The following PKP2 variants were observed in gnomAD, a reference collection of about 807,000 sequenced individuals.
PKP2 encodes plakophilin 2.
In PKP2, 73 loss-of-function variants were observed where a neutral mutation model predicts 83.4. The ratio of observed to expected loss-of-function variants is 0.88; its 90% CI spans 0.72 to 1.06. PKP2 has a LOEUF of 1.06. Among genes scored for constraint, PKP2 ranks in the 50% least tolerant of loss-of-function variants. The pLI is 0.00. For missense variants in PKP2, 966 were observed against 1,065.4 expected, an observed-to-expected ratio of 0.91 and a Z score of 1.30; for synonymous variants, 409 against 430.4, an observed-to-expected ratio of 0.95 and a Z score of 0.62.
intron 11 of PKP2, among the ~76,000 whole-genome samples, chr12:32,793,180 G>A (rs537294068): frequency 6.6e-6 from 1 of 152,180 alleles, no homozygotes; most frequent in South Asian, 2.1e-4. Flanking sequence ...GGCGGAGGTT[G>A]CAGTGAGCCG....
At chr12:32,842,477 A>T (rs1461934563) in intron 5 of PKP2, among the ~76,000 whole-genome samples, 1 of 151,282 alleles carries the variant, frequency 6.6e-6, no homozygotes, top group Non-Finnish European at 1.5e-5. Context: ...CCTGACCTCA[A>T]ATGATCTGCT....
chr12:32,815,065 G>A (rs1375068160), intron 9 of PKP2, among the ~76,000 whole-genome samples: 6 of 151,954 alleles, frequency 3.9e-5, no homozygotes, highest in African/African-American at 1.2e-4. Flanking sequence ...TTGCTAGGGC[G>A]AACAATGCAT....
chr12:32,876,795 G>T (rs1956937020), intron 3 of PKP2, among the ~76,000 whole-genome samples: 1 of 152,206 alleles, frequency 6.6e-6, no homozygotes, highest in Non-Finnish European at 1.5e-5. Context: ...ATCCCAAAGT[G>T]CTGGGATTAC....
intron 1 of PKP2, among the ~76,000 whole-genome samples, chr12:32,889,183 A>T (rs1255822251): frequency 1.3e-5 from 2 of 152,180 alleles, no homozygotes; most frequent in African/African-American, 4.8e-5. Context: ...GGGTAGAAAT[A>T]CCAAGCAAGA....
At chr12:32,840,870 T>A (rs140143670) in intron 6 of PKP2, among the ~76,000 whole-genome samples, 158 bp downstream of exon 6, 11 of 152,174 alleles carry the variant, frequency 7.2e-5, no homozygotes, top group Non-Finnish European at 1.2e-4. Flanking sequence ...AGAGCGAGAC[T>A]CTGTTTTAAA....
intron 6 of PKP2, among the ~76,000 whole-genome samples, chr12:32,830,311 T>C (rs184741757): frequency 5.9e-5 from 9 of 152,318 alleles, no homozygotes; most frequent in East Asian, 3.9e-4. Context: ...AGTCAGCTTG[T>C]GGTTGCACAC....
At chr12:32,872,847 G>C (rs1592760962) in intron 3 of PKP2, among the ~76,000 whole-genome samples, 2 of 152,046 alleles carry the variant, frequency 1.3e-5, no homozygotes, top group Admixed American at 6.6e-5. Flanking sequence ...ACTATAAAAG[G>C]TTCAGCTGAG....
chr12:32,832,611 GTCTT>G (rs1055225172), intron 6 of PKP2, among the ~76,000 whole-genome samples: 1 of 152,144 alleles, frequency 6.6e-6, no homozygotes, highest in Non-Finnish European at 1.5e-5. Flanking sequence ...TGATTCAGTT[GTCTT>G]TCTATTTTTG....
chr12:32,805,971 A>G (rs904484654), intron 9 of PKP2, among the ~76,000 whole-genome samples: 4 of 152,194 alleles, frequency 2.6e-5, no homozygotes, highest in African/African-American at 4.8e-5. Context: ...TATTGAGATC[A>G]TGTGGTTTTT....
chr12:32,879,911 C>A (rs915584317), intron 1 of PKP2, among the ~76,000 whole-genome samples: 1 of 150,440 alleles, frequency 6.6e-6, no homozygotes, highest in African/African-American at 2.4e-5. Context: ...TCACAAAAAT[C>A]TAAAAATGTT....
At chr12:32,792,782 G>T in intron 11 of PKP2, 51 bp from the exon 12 acceptor site, 1 of 1,446,110 alleles carries the variant, frequency 6.9e-7, no homozygotes, top group Non-Finnish European at 9.7e-7. Flanking sequence ...GAGGCTTCTG[G>T]ATGCGGCCTG....
intron 1 of PKP2, among the ~76,000 whole-genome samples, chr12:32,892,826 G>GC (rs1555149560): frequency 7.8e-6 from 1 of 128,558 alleles, no homozygotes; most frequent in Non-Finnish European, 1.7e-5. Flanking sequence ...GGCGGGGGGG[G>GC]GGGGAGAACT....
At chr12:32,819,836 C>A (rs1487030520) in intron 9 of PKP2, among the ~76,000 whole-genome samples, 1 of 151,390 alleles carries the variant, frequency 6.6e-6, no homozygotes, top group African/African-American at 2.4e-5. Context: ...TTATATTGAA[C>A]TAGACTCAGA....
At chr12:32,849,014 A>AC (rs1956673042) in intron 5 of PKP2, among the ~76,000 whole-genome samples, 3 of 151,768 alleles carry the variant, frequency 2.0e-5, no homozygotes, top group Non-Finnish European at 1.5e-5. Flanking sequence ...TTAAAAAAAA[A>AC]AAAAAAAAAA....
chr12:32,868,104 A>T (rs1467076319), intron 4 of PKP2, among the ~76,000 whole-genome samples: 2 of 152,238 alleles, frequency 1.3e-5, no homozygotes, highest in Non-Finnish European at 2.9e-5. Flanking sequence ...ACAGGAAAAG[A>T]AGAGGGAAAT....
At chr12:32,823,413 C>T (rs1463022771) in intron 7 of PKP2, among the ~76,000 whole-genome samples, 1 of 115,248 alleles carries the variant, frequency 8.7e-6, no homozygotes, top group African/African-American at 3.4e-5. Flanking sequence ...TGAAGCTAGA[C>T]TCTGCCTCCA....
At chr12:32,878,801 CTCATT>C in intron 2 of PKP2, 114 bp downstream of exon 2, 1 of 737,446 alleles carries the variant, frequency 1.4e-6, no homozygotes, top group South Asian at 1.5e-5. Context: ...TTTCTCAAAA[CTCATT>C]TAGGAAATGA....
intron 5 of PKP2, among the ~76,000 whole-genome samples, chr12:32,845,462 G>A (rs2137844742): frequency 6.6e-6 from 1 of 152,288 alleles, no homozygotes. Flanking sequence ...TGAGGCAGGA[G>A]AATGGCGTGA....
At chr12:32,877,547 G>C (rs2137944421) in intron 3 of PKP2, among the ~76,000 whole-genome samples, 1 of 152,246 alleles carries the variant, frequency 6.6e-6, no homozygotes, top group Non-Finnish European at 1.5e-5. Flanking sequence ...TTGGAGTTTA[G>C]AGCAGATTTT....
Sources: gnomAD v4.1 joint callset for allele counts (sites outside exome capture counted in the v4.1 genomes callset) on GRCh38, gnomAD v4.1.1 for gene constraint, MANE v1.5 for transcripts, NCBI Gene and HGNC (gene_info 2026-07-23, HGNC 2026-07-21) for gene names.